Variants in OR10A5 observed in about 807,000 individuals in gnomAD.
OR10A5 encodes olfactory receptor 10A5.
A neutral mutation model predicts 6.0 loss-of-function variants in OR10A5; 7 were observed. The ratio of observed to expected loss-of-function variants is 1.17; its 90% CI spans 0.66 to 2.20. The LOEUF (loss-of-function observed/expected upper bound fraction) is 2.20, where lower values mean the gene tolerates loss of function less well. Among genes scored for constraint, OR10A5 ranks in the 30% most tolerant of loss-of-function variants. OR10A5 has a pLI of 0.00. For missense variants in OR10A5, 369 were observed against 378.1 expected, an observed-to-expected ratio of 0.98 and a Z score of 0.20; for synonymous variants, 149 against 148.8, an observed-to-expected ratio of 1.00 and a Z score of -0.01.
Position 6,846,526 on chromosome 11 carries a change from G to A in OR10A5, c.844G>A (p.Val282Met), listed in dbSNP as rs139641051. The A allele has an allele frequency of 5.6e-4, 901 of 1,613,872 alleles. 4 individuals carry two copies. In the African/African-American group the frequency reaches 0.011, roughly 19 times the overall value. Residue 282 changes from valine (V) to methionine (M), a missense_variant, in exon 1 of 1, where the codon GTG (valine) becomes ATG (methionine). Physicochemically the swap from Val to Met is conservative, Grantham distance 21 (BLOSUM62 1). Coordinates refer to ENST00000299454, the MANE Select transcript of OR10A5 (RefSeq NM_178168.1). ...KKLLSLSYTVVTPMLNPIIYS... is the reference protein window; with the variant it reads ...KKLLSLSYTVMTPMLNPIIYS... Reference sequence around the variant, plus strand: ...GTTGTTATCATTATCCTACACTGTTGTGACTCCCATGTTGAACCCCATTAT... The same window carrying A: ...GTTGTTATCATTATCCTACACTGTTATGACTCCCATGTTGAACCCCATTAT...
Position 6,846,442 on chromosome 11 carries a change from A to G in OR10A5, c.760A>G (p.Ile254Val). The G allele has an allele frequency of 2.5e-6, 4 of 1,614,008 alleles. No individual in the cohort carries two copies. Among genetic ancestry groups the G allele is most frequent in the Non-Finnish European group, 3.4e-6 (4 of 1,179,982 alleles). Reference sequence around the variant, plus strand: ...CCTCCTTGTTGTCTCTCTTTTCTATATATCTTCTAGCCTCACCTACTTCTG... The same window carrying G: ...CCTCCTTGTTGTCTCTCTTTTCTATGTATCTTCTAGCCTCACCTACTTCTG... ...SHLLVVSLFY[I>V]SSSLTYFWPK... is the part of the protein sequence containing the mutation. Residue 254 changes from isoleucine (I) to valine (V), a missense_variant, in exon 1 of 1, where the codon ATA (isoleucine) becomes GTA (valine). Transcript: ENST00000299454.
Position 6,846,066 on chromosome 11 carries a change from C to A in OR10A5, c.384C>A (p.Cys128Ter). ...CATATGACCGCTATGTGGCCATCTGCAGTCCCTTGCACTACCCAGTCATCA... is the reference window on the plus strand; with the variant it reads ...CATATGACCGCTATGTGGCCATCTGAAGTCCCTTGCACTACCCAGTCATCA... ...TMAYDRYVAI[C>*]SPLHYPVIMN... Residue 128 changes from cysteine (C) to a stop codon, truncating the protein, a stop_gained, in exon 1 of 1, where the codon TGC becomes TGA. Transcript: ENST00000299454. LOFTEE classifies it high-confidence loss of function. 1.2e-6 allele frequency: 2 copies of A among 1,614,236 alleles called. No homozygotes were observed. Among genetic ancestry groups the A allele is most frequent in the Non-Finnish European group, 1.7e-6 (2 of 1,180,044 alleles).
rs759914991 is a variant in OR10A5, at chr11:6,846,158, T to G, written c.476T>G (p.Val159Gly). The G allele has an allele frequency of 6.2e-7, 1 of 1,614,224 alleles. No individual in the cohort carries two copies. The highest frequency in any genetic ancestry group is 8.5e-7 in the Non-Finnish European group (1 of 1,180,022). Reference protein sequence around the residue: ...SWFPGFPVATVQTTWLFSFPF... With the variant: ...SWFPGFPVATGQTTWLFSFPF... ...TTCCCAGGCTTTCCTGTAGCTACTG[T>G]GCAGACCACATGGCTCTTCAGTTTT... The change falls in exon 1 of 1, where the codon GTG (valine) becomes GGG (glycine). Residue 159 changes from valine (V) to glycine (G), a missense_variant. Physicochemically the swap from Val to Gly is moderately radical, Grantham distance 109. Transcript: ENST00000299454.
In OR10A5 at chr11:6,845,892, G is replaced by A; in HGVS notation, c.210G>A (p.Leu70=). 2 of 1,614,104 alleles carry A rather than the reference G, an allele frequency of 1.2e-6. No homozygotes were observed. Among genetic ancestry groups the A allele is most frequent in the South Asian group, 1.1e-5 (1 of 91,076 alleles). Residue 70 remains leucine, a synonymous_variant, in exon 1 of 1, where the codon CTG becomes CTA. Coordinates refer to ENST00000299454, the MANE Select transcript of OR10A5 (RefSeq NM_178168.1). ...MYFFLRNLSF[L]EIGFNLVIVP... ...TCTTCCTCAGAAACTTATCTTTCCTGGAGATTGGCTTCAACCTAGTCATTG... is the reference window on the plus strand; with the variant it reads ...TCTTCCTCAGAAACTTATCTTTCCTAGAGATTGGCTTCAACCTAGTCATTG...
chr11:6,846,576 G>A lies in OR10A5; in HGVS notation c.894G>A (p.Val298=). 6.2e-7 allele frequency: 1 copy of A among 1,613,846 alleles called. No homozygotes were observed. Among genetic ancestry groups the A allele is most frequent in the South Asian group, 1.1e-5 (1 of 91,034 alleles). Residue 298 remains valine (V), a synonymous_variant, in exon 1 of 1, where the codon GTG becomes GTA. Transcript: ENST00000299454. Reference sequence around the variant, plus strand: ...TCTACAGCTTGAGAAATAGCGAGGTGAAGAATGCCCTCAGCAGGACCTTCC... The same window carrying A: ...TCTACAGCTTGAGAAATAGCGAGGTAAAGAATGCCCTCAGCAGGACCTTCC... ...PIIYSLRNSE[V]KNALSRTFHK... is the part of the protein sequence containing the mutation.
In OR10A5 at chr11:6,846,242, A is replaced by G. The variant is rs771047522; in HGVS notation, c.560A>G (p.Lys187Arg). The G allele has an allele frequency of 2.8e-5, 45 of 1,613,916 alleles. No individual in the cohort carries two copies. Among genetic ancestry groups the G allele is most frequent in the African/African-American group, 2.3e-4 (17 of 74,914 alleles). ...TTCTGTGACAGCCCGCCTGTGCTGA[A>G]GCTGGTCTGTGCAGACACAGCACTG... ...HFFCDSPPVL[K>R]LVCADTALFE... The change falls in exon 1 of 1, where the codon AAG becomes AGG. Residue 187 changes from lysine (K) to arginine (R), a missense_variant. By Grantham distance (26) the Lys-to-Arg change is conservative. Coordinates refer to ENST00000299454, the MANE Select transcript of OR10A5 (RefSeq NM_178168.1).
rs746265995 is a variant in OR10A5 at position 6,845,820 on chromosome 11, C to G, written c.138C>G (p.Ile46Met). The G allele has an allele frequency of 1.2e-6, 2 of 1,614,146 alleles. No homozygotes were observed. Among genetic ancestry groups the G allele is most frequent in the South Asian group, 2.2e-5 (2 of 91,082 alleles). Residue 46 changes from isoleucine to methionine, a missense_variant, in exon 1 of 1, where the codon ATC (isoleucine) becomes ATG (methionine). Transcript: ENST00000299454. ...TTACTCTGAAGGGAAACAGCCTCAT[C>G]ATTCTGGTTACCCTAGCTGACCCCA... is the stretch of plus-strand genomic sequence containing the variant. ...YLVTLKGNSL[I>M]ILVTLADPML... is the part of the protein sequence containing the mutation.
rs746667620 is a variant in OR10A5 at position 6,845,754 on chromosome 11, A to G, written c.72A>G (p.Ile24Met). ...GCTTCTCTTCCCTACCTACTGAAAT[A>G]CAGTCATTGCTCTTCCTGACATTTC... The part of the protein sequence containing the change: ...LMSFSSLPTE[I>M]QSLLFLTFLT... Residue 24 changes from isoleucine to methionine, a missense_variant, in exon 1 of 1, where the codon ATA becomes ATG. Transcript: ENST00000299454. The G allele has an allele frequency of 1.2e-6, 2 of 1,613,148 alleles. No individual in the cohort carries two copies. Among genetic ancestry groups the G allele is most frequent in the South Asian group, 1.1e-5 (1 of 91,070 alleles).
Position 6,845,731 on chromosome 11 carries a change from T to G in OR10A5, c.49T>G (p.Phe17Val). ...TEISEFILMS[F>V]SSLPTEIQSL... ...AATAAGTGAATTTATCCTCATGAGCTTCTCTTCCCTACCTACTGAAATACA... is the reference window on the plus strand; with the variant it reads ...AATAAGTGAATTTATCCTCATGAGCGTCTCTTCCCTACCTACTGAAATACA... Residue 17 changes from phenylalanine to valine, a missense_variant, in exon 1 of 1, where the codon TTC (phenylalanine) becomes GTC (valine). By Grantham distance (50) the Phe-to-Val change is conservative (BLOSUM62 -1). Coordinates refer to ENST00000299454, the MANE Select transcript of OR10A5 (RefSeq NM_178168.1). 6.2e-7 allele frequency: 1 copy of G among 1,612,368 alleles called. No individual in the cohort carries two copies. Among genetic ancestry groups the G allele is most frequent in the Non-Finnish European group, 8.5e-7 (1 of 1,178,370 alleles).
chr11:6,845,713 G>C lies in OR10A5; in HGVS notation c.31G>C (p.Glu11Gln). MAIGNWTEISEFILMSFSSLP... is the reference protein window; with the variant it reads MAIGNWTEISQFILMSFSSLP... ...TATAGGAAACTGGACAGAAATAAGT[G>C]AATTTATCCTCATGAGCTTCTCTTC... The change falls in exon 1 of 1, where the codon GAA (glutamate) becomes CAA (glutamine). Residue 11 changes from glutamate to glutamine, a missense_variant. Transcript: ENST00000299454. 6.2e-7 allele frequency: 1 copy of C among 1,608,518 alleles called. No individual in the cohort carries two copies. Among genetic ancestry groups the C allele is most frequent in the African/African-American group, 1.3e-5 (1 of 74,914 alleles).
At position 6,846,424 on chromosome 11, in the gene OR10A5, G is replaced by A; in HGVS notation, c.742G>A (p.Val248Ile). The A allele has an allele frequency of 6.2e-7, 1 of 1,614,102 alleles. No individual in the cohort carries two copies. Among genetic ancestry groups the A allele is most frequent in the Non-Finnish European group, 8.5e-7 (1 of 1,179,994 alleles). The part of the protein sequence containing the change: ...AFSTCSSHLL[V>I]VSLFYISSSL... ...CTCTACGTGCTCCTCACACCTCCTT[G>A]TTGTCTCTCTTTTCTATATATCTTC... The change falls in exon 1 of 1, where the codon GTT (valine) becomes ATT (isoleucine). Residue 248 changes from valine to isoleucine, a missense_variant. By Grantham distance (29) the Val-to-Ile change is conservative. Transcript: ENST00000299454.
rs757002139 is a variant in OR10A5 at position 6,846,108 on chromosome 11, G to A, written c.426G>A (p.Arg142=). ...HYPVIMNQRT[R]AKLAAASWFP... ...CAGTCATCATGAACCAAAGGACACG[G>A]GCCAAACTGGCTGCTGCTTCCTGGT... is the stretch of plus-strand genomic sequence containing the variant. The change falls in exon 1 of 1, where the codon CGG becomes CGA. Residue 142 remains arginine (R), a synonymous_variant. Coordinates refer to ENST00000299454, the MANE Select transcript of OR10A5 (RefSeq NM_178168.1). The A allele has an allele frequency of 2.5e-6, 4 of 1,614,176 alleles. No homozygotes were observed. In the South Asian group the frequency reaches 4.4e-5, roughly 18 times the overall value.
chr11:6,846,011 T>C lies in OR10A5; in HGVS notation c.329T>C (p.Val110Ala). The change falls in exon 1 of 1, where the codon GTA (valine) becomes GCA (alanine). Residue 110 changes from valine (V) to alanine (A), a missense_variant. Coordinates refer to ENST00000299454, the MANE Select transcript of OR10A5 (RefSeq NM_178168.1). The stretch of plus-strand genomic sequence containing the variant: ...ATGTATTTCTTCTTCTTCTTTGGGG[T>C]AGCTGAATGCTTCCTCCTGGCTACC... ...TQMYFFFFFGVAECFLLATMA... is the reference protein window; with the variant it reads ...TQMYFFFFFGAAECFLLATMA... The C allele has an allele frequency of 6.2e-7, 1 of 1,614,192 alleles. No homozygotes were observed. Among genetic ancestry groups the C allele is most frequent in the Non-Finnish European group, 8.5e-7 (1 of 1,180,026 alleles).
Position 6,846,160 on chromosome 11 carries a change from C to T in OR10A5, c.478C>T (p.Gln160Ter). The T allele has an allele frequency of 6.2e-7, 1 of 1,614,226 alleles. No homozygotes were observed. The highest frequency in any genetic ancestry group is 8.5e-7 in the Non-Finnish European group (1 of 1,180,022). Residue 160 changes from glutamine (Q) to a stop codon, truncating the protein, a stop_gained, in exon 1 of 1, where the codon CAG (glutamine) becomes TAG (stop). Transcript: ENST00000299454. LOFTEE classifies it high-confidence loss of function. ...WFPGFPVATV[Q>*]TTWLFSFPFC... ...CCCAGGCTTTCCTGTAGCTACTGTGCAGACCACATGGCTCTTCAGTTTTCC... is the reference window on the plus strand; with the variant it reads ...CCCAGGCTTTCCTGTAGCTACTGTGTAGACCACATGGCTCTTCAGTTTTCC...
Position 6,845,878 on chromosome 11 carries a change from A to C in OR10A5, c.196A>C (p.Asn66His). Reference protein sequence around the residue: ...LHSPMYFFLRNLSFLEIGFNL... With the variant: ...LHSPMYFFLRHLSFLEIGFNL... ...CAGCCCCATGTACTTCTTCCTCAGA[A>C]ACTTATCTTTCCTGGAGATTGGCTT... The change falls in exon 1 of 1, where the codon AAC (asparagine) becomes CAC (histidine). Residue 66 changes from asparagine to histidine, a missense_variant. Asn to His is a moderately conservative substitution (Grantham distance 68). Coordinates refer to ENST00000299454, the MANE Select transcript of OR10A5 (RefSeq NM_178168.1). The C allele has an allele frequency of 6.2e-7, 1 of 1,614,094 alleles. No individual in the cohort carries two copies.
At position 6,846,293 on chromosome 11, in the gene OR10A5, C is replaced by G; in HGVS notation, c.611C>G (p.Thr204Ser). 6.2e-7 allele frequency: 1 copy of G among 1,614,224 alleles called. No homozygotes were observed. Among genetic ancestry groups the G allele is most frequent in the South Asian group, 1.1e-5 (1 of 91,084 alleles). The change falls in exon 1 of 1, where the codon ACC (threonine) becomes AGC (serine). Residue 204 changes from threonine (T) to serine (S), a missense_variant. Thr to Ser is a moderately conservative substitution (Grantham distance 58, BLOSUM62 1). Transcript: ENST00000299454. Reference protein sequence around the residue: ...ALFEIYAIVGTILVVMIPCLL... With the variant: ...ALFEIYAIVGSILVVMIPCLL... ...TTTGAGATCTACGCCATCGTCGGAACCATTCTGGTGGTCATGATCCCCTGC... is the reference window on the plus strand; with the variant it reads ...TTTGAGATCTACGCCATCGTCGGAAGCATTCTGGTGGTCATGATCCCCTGC...
At position 6,845,699 on chromosome 11, in the gene OR10A5, G is replaced by T; in HGVS notation, c.17G>T (p.Trp6Leu). 3 of 1,596,544 alleles carry T rather than the reference G, an allele frequency of 1.9e-6. No homozygotes were observed. Among genetic ancestry groups the T allele is most frequent in the Non-Finnish European group, 2.6e-6 (3 of 1,164,102 alleles). The change falls in exon 1 of 1, where the codon TGG becomes TTG. Residue 6 changes from tryptophan (W) to leucine (L), a missense_variant. By Grantham distance (61) the Trp-to-Leu change is moderately conservative (BLOSUM62 -2). Transcript: ENST00000299454. ...CCCATACTTATGGCTATAGGAAACTGGACAGAAATAAGTGAATTTATCCTC... is the reference window on the plus strand; with the variant it reads ...CCCATACTTATGGCTATAGGAAACTTGACAGAAATAAGTGAATTTATCCTC... MAIGN[W>L]TEISEFILMS...
At position 6,846,364 on chromosome 11, in the gene OR10A5, A is replaced by G; in HGVS notation, c.682A>G (p.Lys228Glu). ...TACTCGCATTGCTGCTGCTATCCTC[A>G]AGATCCCATCAGCTAAAGGGAAGCA... is the stretch of plus-strand genomic sequence containing the variant. ...SYTRIAAAIL[K>E]IPSAKGKHKA... The change falls in exon 1 of 1, where the codon AAG becomes GAG. Residue 228 changes from lysine to glutamate, a missense_variant. By Grantham distance (56) the Lys-to-Glu change is moderately conservative. Coordinates refer to ENST00000299454, the MANE Select transcript of OR10A5 (RefSeq NM_178168.1). 6.2e-7 allele frequency: 1 copy of G among 1,614,134 alleles called. No individual in the cohort carries two copies. The highest frequency in any genetic ancestry group is 8.5e-7 in the Non-Finnish European group (1 of 1,180,024).
At position 6,845,768 on chromosome 11, in the gene OR10A5, T is replaced by C. The variant is rs79956310; in HGVS notation, c.86T>C (p.Phe29Ser). The change falls in exon 1 of 1, where the codon TTC becomes TCC. Residue 29 changes from phenylalanine (F) to serine (S), a missense_variant. By Grantham distance (155) the Phe-to-Ser change is radical. Coordinates refer to ENST00000299454, the MANE Select transcript of OR10A5 (RefSeq NM_178168.1). Reference sequence around the variant, plus strand: ...CCTACTGAAATACAGTCATTGCTCTTCCTGACATTTCTAACTATCTATTTG... The same window carrying C: ...CCTACTGAAATACAGTCATTGCTCTCCCTGACATTTCTAACTATCTATTTG... ...SLPTEIQSLL[F>S]LTFLTIYLVT... 871 of 1,613,620 alleles carry C rather than the reference T, an allele frequency of 5.4e-4. 1 individual carries two copies. The African/African-American group carries it at 0.01, about 19-fold the overall frequency.
Sources: gnomAD v4.1 joint callset for allele counts on GRCh38, gnomAD v4.1.1 for gene constraint, MANE v1.5 for transcripts, NCBI Gene and HGNC (gene_info 2026-07-23, HGNC 2026-07-21) for gene names.